KCNN2: variants seen among roughly 807,000 people sequenced by gnomAD.
KCNN2 encodes potassium calcium-activated channel subfamily N member 2, also known as small conductance calcium-activated potassium channel protein 2.
A neutral mutation model predicts 55.5 loss-of-function variants in KCNN2; 24 were observed. The observed-to-expected ratio is 0.43, with a 90% CI of 0.31 to 0.61. The LOEUF (loss-of-function observed/expected upper bound fraction) is 0.61, where lower values mean the gene tolerates loss of function less well. KCNN2 is among the 20% of genes least tolerant of loss of function. The pLI, the probability that KCNN2 is intolerant of heterozygous loss-of-function variation, is 0.08. For missense variants in KCNN2, 754 were observed against 853.6 expected, an observed-to-expected ratio of 0.88 and a Z score of 1.45; for synonymous variants, 431 against 336.1, an observed-to-expected ratio of 1.28 and a Z score of -3.09.
At chr5:114,478,390 G>A (rs555852726) in intron 5 of KCNN2, among the ~76,000 whole-genome samples, 5 of 152,100 alleles carry the variant, frequency 3.3e-5, no homozygotes, top group African/African-American at 7.2e-5. Context: ...CCGAGAATAT[G>A]GGATTATGTA....
At chr5:114,262,304 A>T (rs887210428) in intron 2 of KCNN2, among the ~76,000 whole-genome samples, 2 of 152,208 alleles carry the variant, frequency 1.3e-5, no homozygotes, top group African/African-American at 4.8e-5. Flanking sequence ...TACACCTTTC[A>T]GTAGTCTCAG....
intron 3 of KCNN2, among the ~76,000 whole-genome samples, chr5:114,431,772 T>C (rs1759804422): frequency 6.6e-6 from 1 of 152,194 alleles, no homozygotes; most frequent in Non-Finnish European, 1.5e-5. Context: ...TTTTGATACA[T>C]TGTATTTTCA....
chr5:114,088,591 G>A (rs543022548), intron 1 of KCNN2, among the ~76,000 whole-genome samples: 60 of 151,774 alleles, frequency 4.0e-4, no homozygotes, highest in Non-Finnish European at 6.5e-4. Flanking sequence ...CTCATCGAGT[G>A]TATTTTTATT....
chr5:114,373,912 G>T (rs915694086), intron 2 of KCNN2, among the ~76,000 whole-genome samples: 8 of 151,380 alleles, frequency 5.3e-5, no homozygotes, highest in African/African-American at 1.7e-4. Flanking sequence ...GCAAGCACAT[G>T]CATATTTTTA....
At chr5:114,441,869 C>T (rs1480295871) in intron 3 of KCNN2, among the ~76,000 whole-genome samples, 2 of 152,170 alleles carry the variant, frequency 1.3e-5, no homozygotes, top group Non-Finnish European at 2.9e-5. Context: ...ATCCCACAGC[C>T]TGTCCCTCCA....
At chr5:114,170,751 A>T (rs1753015716) in intron 1 of KCNN2, among the ~76,000 whole-genome samples, 1 of 151,942 alleles carries the variant, frequency 6.6e-6, no homozygotes, top group Non-Finnish European at 1.5e-5. Context: ...AAACCTAGTC[A>T]TTTACCTATG....
At chr5:114,271,092 C>T (rs1755321294) in intron 2 of KCNN2, among the ~76,000 whole-genome samples, 1 of 152,108 alleles carries the variant, frequency 6.6e-6, no homozygotes, top group Non-Finnish European at 1.5e-5. Context: ...CTCAGGTGGC[C>T]AGCTTTTATT....
intron 3 of KCNN2, among the ~76,000 whole-genome samples, chr5:114,409,638 T>C (rs1302826339): frequency 6.6e-6 from 1 of 152,160 alleles, no homozygotes; most frequent in Non-Finnish European, 1.5e-5. Context: ...TTTGGACTTT[T>C]TTAAAAGGAA....
rs78608553 is a variant in KCNN2 at position 114,398,958 on chromosome 5, T to G, written c.1219-5480T>G. The stretch of plus-strand genomic sequence containing the variant: ...AACTTTTGTGCAGAGACTATGGAGT[T>G]TTCTAAGTATAAAATCATGTCACCT... On this transcript the variant is annotated intron_variant, in intron 2 of 7. Coordinates refer to ENST00000673685, the MANE Select transcript of KCNN2 (RefSeq NM_021614.4). Among the ~76,000 whole-genome samples, 886 of 152,310 alleles carry G rather than the reference T, an allele frequency of 5.8e-3. 5 individuals carry two copies. The highest frequency in any genetic ancestry group is 0.014 in the Middle Eastern group (4 of 294).
At chr5:114,480,552 C>CA (rs1762180219) in intron 5 of KCNN2, among the ~76,000 whole-genome samples, 1 of 151,890 alleles carries the variant, frequency 6.6e-6, no homozygotes, top group Admixed American at 6.6e-5. Context: ...AGAGATACAA[C>CA]AAAAAAAGAA....
intron 2 of KCNN2, among the ~76,000 whole-genome samples, chr5:114,318,969 CTGAG>C (rs1257167003): frequency 7.0e-6 from 1 of 141,972 alleles, no homozygotes; most frequent in Non-Finnish European, 1.5e-5. Flanking sequence ...CTCAAAGATA[CTGAG>C]TGAGACATCA....
chr5:114,335,332 A>C (rs923604456), intron 2 of KCNN2, among the ~76,000 whole-genome samples: 3 of 152,172 alleles, frequency 2.0e-5, no homozygotes, highest in African/African-American at 7.2e-5. Flanking sequence ...TGTAACAAAC[A>C]ACCTTTACTA....
chr5:114,436,901 T>G (rs1760023328), intron 3 of KCNN2, among the ~76,000 whole-genome samples: 2 of 152,164 alleles, frequency 1.3e-5, no homozygotes, highest in African/African-American at 4.8e-5. Flanking sequence ...CTGGCATTAT[T>G]GAGGAATTGT....
At chr5:114,124,641 G>A (rs753575651) in intron 1 of KCNN2, among the ~76,000 whole-genome samples, 9 of 152,104 alleles carry the variant, frequency 5.9e-5, no homozygotes, top group Non-Finnish European at 1.3e-4. Context: ...CAGTCCAGGC[G>A]GCATTTTCCC....
intron 2 of KCNN2, among the ~76,000 whole-genome samples, chr5:114,364,492 C>G (rs550019961): frequency 2.6e-5 from 4 of 152,034 alleles, no homozygotes; most frequent in Admixed American, 1.3e-4. Context: ...AGATCTAACC[C>G]CTTCCTAAAT....
At chr5:114,267,292 G>T (rs1270014752) in intron 2 of KCNN2, among the ~76,000 whole-genome samples, 1 of 152,176 alleles carries the variant, frequency 6.6e-6, no homozygotes, top group Admixed American at 6.5e-5. Flanking sequence ...ACTGCGCCCG[G>T]CCCCACCTCT....
At chr5:114,474,153 T>G (rs1437377651) in intron 5 of KCNN2, among the ~76,000 whole-genome samples, 1 of 152,222 alleles carries the variant, frequency 6.6e-6, no homozygotes, top group Non-Finnish European at 1.5e-5. Context: ...GTGTTTTCAC[T>G]CACTCTTGAT....
At chr5:114,353,228 TG>T (rs1757243355) in intron 2 of KCNN2, among the ~76,000 whole-genome samples, 1 of 151,800 alleles carries the variant, frequency 6.6e-6, no homozygotes, top group Non-Finnish European at 1.5e-5. Flanking sequence ...GGTTGTTGTT[TG>T]CATGGTATAA....
intron 3 of KCNN2, among the ~76,000 whole-genome samples, chr5:114,427,105 C>T (rs1174246547): frequency 6.6e-6 from 1 of 152,158 alleles, no homozygotes; most frequent in Non-Finnish European, 1.5e-5. Context: ...CCTGCCACAG[C>T]ACTCACCATG....
Sources: gnomAD v4.1 joint callset for allele counts (sites outside exome capture counted in the v4.1 genomes callset) on GRCh38, gnomAD v4.1.1 for gene constraint, MANE v1.5 for transcripts, NCBI Gene and HGNC (gene_info 2026-07-23, HGNC 2026-07-21) for gene names.